NAV2: variants seen among roughly 807,000 people sequenced by gnomAD.
The protein encoded by NAV2 is helicase, APC down-regulated 1.
Under a neutral mutation model 223.2 loss-of-function variants are expected in NAV2, and 54 were observed. That is an observed-to-expected ratio of 0.24 (90% CI 0.19 to 0.30). The LOEUF is 0.30. NAV2 is among the 10% of genes least tolerant of loss of function. The probability of loss-of-function intolerance (pLI) is 1.00; values close to 1 mark genes in which losing one functional copy is unlikely to be tolerated. For missense variants in NAV2, 2,806 were observed against 3,147.5 expected, an observed-to-expected ratio of 0.89 and a Z score of 2.60; for synonymous variants, 1,279 against 1,239.3, an observed-to-expected ratio of 1.03 and a Z score of -0.67.
intron 1 of NAV2, among the ~76,000 whole-genome samples, chr11:19,428,354 C>T (rs888614762): frequency 9.9e-5 from 15 of 152,264 alleles, no homozygotes; most frequent in Middle Eastern, 3.4e-3. Flanking sequence ...CTTTGAGAGA[C>T]ACTGGAAATT....
intron 1 of NAV2, among the ~76,000 whole-genome samples, chr11:19,705,231 G>T (rs7106380): frequency 0.017 from 2,537 of 152,192 alleles, 64 homozygotes; most frequent in African/African-American, 0.058. Flanking sequence ...AACATACTCA[G>T]CTCAGTGTCA....
chr11:19,469,966 G>T (rs191418401), intron 1 of NAV2, among the ~76,000 whole-genome samples: 1 of 152,362 alleles, frequency 6.6e-6, no homozygotes, highest in East Asian at 1.9e-4. Context: ...GGTGCCAGAT[G>T]ACCTGGAGAT....
intron 12 of NAV2, among the ~76,000 whole-genome samples, chr11:20,041,115 T>C (rs1364854091): frequency 6.6e-6 from 1 of 151,752 alleles, no homozygotes; most frequent in Non-Finnish European, 1.5e-5. Context: ...AGAACTGGGG[T>C]TGGGGAGCCT....
At chr11:19,672,357 G>T (rs1486257181) in intron 1 of NAV2, among the ~76,000 whole-genome samples, 3 of 150,676 alleles carry the variant, frequency 2.0e-5, no homozygotes, top group African/African-American at 7.3e-5. Context: ...TTAGCAGTGA[G>T]GGAGATCTAC....
intron 1 of NAV2, among the ~76,000 whole-genome samples, chr11:19,610,784 AGATG>A (rs1223823528): frequency 1.3e-5 from 2 of 151,716 alleles, no homozygotes; most frequent in African/African-American, 2.4e-5. Flanking sequence ...GTGGATGGAC[AGATG>A]GATGGATGGA....
At chr11:19,981,824 G>A (rs919162862) in intron 10 of NAV2, among the ~76,000 whole-genome samples, 1 of 152,278 alleles carries the variant, frequency 6.6e-6, no homozygotes, top group African/African-American at 2.4e-5. Context: ...GTGGCTGGAT[G>A]GATGGATGAT....
intron 11 of NAV2, among the ~76,000 whole-genome samples, chr11:20,017,031 T>G (rs112152371): frequency 1.7e-5 from 1 of 59,576 alleles, no homozygotes; most frequent in Non-Finnish European, 3.8e-5. Flanking sequence ...GAAAATAAAA[T>G]AAAAGAAAAA....
At chr11:19,533,706 CTT>C (rs34280979) in intron 1 of NAV2, among the ~76,000 whole-genome samples, 16 of 126,504 alleles carry the variant, frequency 1.3e-4, no homozygotes, top group East Asian at 8.5e-4. Context: ...TGGGAACTAT[CTT>C]TTTTTTTTTT....
At chr11:19,700,006 A>G (rs1346213493) in intron 1 of NAV2, among the ~76,000 whole-genome samples, 1 of 152,150 alleles carries the variant, frequency 6.6e-6, no homozygotes, top group African/African-American at 2.4e-5. Flanking sequence ...CTGGGCCTTC[A>G]CTTAGTGTCG....
intron 1 of NAV2, chr11:19,777,664 A>C (rs936437084): frequency 2.0e-5 from 8 of 404,160 alleles, no homozygotes; most frequent in African/African-American, 1.7e-4. Flanking sequence ...TATTGTTTTG[A>C]AGCTAGATCT....
At chr11:20,086,171 G>A (rs564077568) in intron 26 of NAV2, among the ~76,000 whole-genome samples, 1 of 152,332 alleles carries the variant, frequency 6.6e-6, no homozygotes, top group South Asian at 2.1e-4. Flanking sequence ...TATAATGGGT[G>A]GGTGTGGTGG....
intron 3 of NAV2, among the ~76,000 whole-genome samples, chr11:19,846,263 A>G (rs2060803175): frequency 6.6e-6 from 1 of 152,190 alleles, no homozygotes; most frequent in Non-Finnish European, 1.5e-5. Flanking sequence ...CATTGATTGT[A>G]CCAAATTGCC....
chr11:19,944,705 T>TTTCCTTCCTTCCTTCC lies in NAV2; in HGVS notation c.2147-1685_2147-1670dup, dbSNP rs369457220. On this transcript the variant is annotated intron_variant, in intron 8 of 37. Coordinates refer to ENST00000349880, the MANE Select transcript of NAV2 (RefSeq NM_145117.5). Reference sequence around the variant, plus strand: ...TTCTCTTTTCTTTCTTTCTTCCTTCTTTCCTTCCTTCCTTCCTTCCTTCCT... The same window carrying TTTCCTTCCTTCCTTCC: ...TTCTCTTTTCTTTCTTTCTTCCTTCTTTCCTTCCTTCCTTCCTTCCTTCCTTCCTTCCTTCCTTCCT... 3.1e-3 allele frequency among the ~76,000 whole-genome samples: 453 copies of TTTCCTTCCTTCCTTCC among 145,258 alleles called. 6 individuals carry two copies. The highest frequency in any genetic ancestry group is 0.012 in the African/African-American group (424 of 36,734).
At chr11:19,972,344 G>A (rs554875194) in intron 10 of NAV2, among the ~76,000 whole-genome samples, 15 of 152,314 alleles carry the variant, frequency 9.8e-5, no homozygotes, top group Non-Finnish European at 1.8e-4. Flanking sequence ...CAGCTGTCAT[G>A]TCTGCTGTTC....
At chr11:19,401,606 G>A (rs1849688829) in intron 1 of NAV2, among the ~76,000 whole-genome samples, 3 of 152,182 alleles carry the variant, frequency 2.0e-5, no homozygotes, top group African/African-American at 7.2e-5. Flanking sequence ...ATCAAAGGAA[G>A]AAAGGGTAAT....
At chr11:20,084,110 G>A (rs111615453) in intron 26 of NAV2, among the ~76,000 whole-genome samples, 3 of 152,142 alleles carry the variant, frequency 2.0e-5, no homozygotes, top group Admixed American at 2.0e-4. Context: ...TTTTGGTTTT[G>A]TTTTTGAGAT....
At chr11:19,923,394 A>T (rs1177412923) in intron 6 of NAV2, among the ~76,000 whole-genome samples, 1 of 152,098 alleles carries the variant, frequency 6.6e-6, no homozygotes. Flanking sequence ...GTAGACAAAA[A>T]AAAAATTATT....
chr11:19,954,662 A>C (rs1047662049), intron 10 of NAV2, among the ~76,000 whole-genome samples: 7 of 152,138 alleles, frequency 4.6e-5, no homozygotes, highest in Non-Finnish European at 8.8e-5. Context: ...TCGTGCTCTC[A>C]TGCATCATTT....
intron 1 of NAV2, among the ~76,000 whole-genome samples, chr11:19,575,751 G>A (rs2045554258): frequency 6.6e-6 from 1 of 152,216 alleles, no homozygotes. Flanking sequence ...CCGATGGCCA[G>A]GGATCCATGT....
Sources: gnomAD v4.1 joint callset for allele counts (sites outside exome capture counted in the v4.1 genomes callset) on GRCh38, gnomAD v4.1.1 for gene constraint, MANE v1.5 for transcripts, NCBI Gene and HGNC (gene_info 2026-07-23, HGNC 2026-07-21) for gene names.